The following BMPR1A variants were observed in gnomAD, a reference collection of about 807,000 sequenced individuals.
The protein encoded by BMPR1A is bone morphogenetic protein receptor type 1A.
BMPR1A carries 7 observed loss-of-function variants against 66.0 expected under a neutral mutation model. The ratio of observed to expected loss-of-function variants is 0.11; its 90% CI spans 0.06 to 0.20. The LOEUF is 0.20. Among genes scored for constraint, BMPR1A ranks in the 10% least tolerant of loss-of-function variants. The pLI is 1.00. For synonymous variants in BMPR1A, 200 were observed against 229.7 expected, an observed-to-expected ratio of 0.87 and a Z score of 1.17; for missense variants, 408 against 669.1, an observed-to-expected ratio of 0.61 and a Z score of 4.31.
At chr10:86,897,372 C>G (rs2133440582) in intron 5 of BMPR1A, among the ~76,000 whole-genome samples, 1 of 152,166 alleles carries the variant, frequency 6.6e-6, no homozygotes, top group South Asian at 2.1e-4. Context: ...TTTTGCCTAC[C>G]CAGATACATA....
rs730881432 is a variant in BMPR1A at position 86,912,338 on chromosome 10, T to C, written c.629T>C (p.Ile210Thr). 3 of 1,614,058 alleles carry C rather than the reference T, an allele frequency of 1.9e-6. No homozygotes were observed. Among genetic ancestry groups the C allele is most frequent in the South Asian group, 1.1e-5 (1 of 91,084 alleles). The change falls in exon 8 of 13, where the codon ATT (isoleucine) becomes ACT (threonine). Residue 210 changes from isoleucine to threonine, a missense_variant. By Grantham distance (89) the Ile-to-Thr change is moderately conservative. Coordinates refer to ENST00000372037, the MANE Select transcript of BMPR1A (RefSeq NM_004329.3). ...GTTGGAGAATCACTAAAAGACCTTATTGACCAGTCACAAAGTTCTGGTAGT... is the reference window on the plus strand; with the variant it reads ...GTTGGAGAATCACTAAAAGACCTTACTGACCAGTCACAAAGTTCTGGTAGT... ...IPVGESLKDL[I>T]DQSQSSGSGS...
At chr10:86,844,771 TA>T (rs573394785) in intron 2 of BMPR1A, among the ~76,000 whole-genome samples, 22 of 152,302 alleles carry the variant, frequency 1.4e-4, no homozygotes, top group African/African-American at 4.6e-4. Context: ...GTTGAACTAT[TA>T]TTTTTTATTT....
intron 3 of BMPR1A, 141 bp from the exon 4 acceptor site, chr10:86,889,921 T>C: frequency 1.1e-6 from 1 of 924,310 alleles, no homozygotes; most frequent in South Asian, 1.6e-5. Context: ...GTTGTATGAA[T>C]GAAATTTATA....
At chr10:86,792,062 TC>T (rs1316436393) in intron 1 of BMPR1A, among the ~76,000 whole-genome samples, 5 of 135,816 alleles carry the variant, frequency 3.7e-5, no homozygotes, top group African/African-American at 7.8e-5. Flanking sequence ...TACTGTCAGA[TC>T]TTTTTTTTTT....
intron 1 of BMPR1A, among the ~76,000 whole-genome samples, chr10:86,802,640 A>C (rs559253665): frequency 6.6e-6 from 1 of 152,262 alleles, no homozygotes; most frequent in African/African-American, 2.4e-5. Flanking sequence ...AGAAAAAAAA[A>C]AAACCATCCT....
intron 1 of BMPR1A, among the ~76,000 whole-genome samples, chr10:86,759,707 CCTT>C (rs1841001391): frequency 1.3e-5 from 2 of 152,124 alleles, no homozygotes; most frequent in African/African-American, 4.8e-5. Context: ...GGGCAGCTTT[CCTT>C]CTTTTTCTCT....
intron 2 of BMPR1A, chr10:86,854,906 G>A (rs1341876079): frequency 1.4e-5 from 3 of 213,312 alleles, no homozygotes; most frequent in Admixed American, 1.4e-4. Context: ...CTGAGATTAT[G>A]TCATTAAGTT....
chr10:86,915,141 C>T (rs1843546426), intron 8 of BMPR1A, among the ~76,000 whole-genome samples: 2 of 152,288 alleles, frequency 1.3e-5, no homozygotes, highest in African/African-American at 4.8e-5. Context: ...ATTCTCCTGC[C>T]TCAGCCTCCC....
intron 5 of BMPR1A, among the ~76,000 whole-genome samples, chr10:86,896,546 C>A: frequency 6.6e-6 from 1 of 151,992 alleles, no homozygotes; most frequent in Non-Finnish European, 1.5e-5. Context: ...AATAAGAGTT[C>A]AAGGAGAAAT....
intron 2 of BMPR1A, among the ~76,000 whole-genome samples, chr10:86,853,511 A>G (rs1192003242): frequency 6.6e-6 from 1 of 152,228 alleles, no homozygotes; most frequent in African/African-American, 2.4e-5. Flanking sequence ...TAAAGAAACT[A>G]CTGAAAATTT....
At chr10:86,813,601 C>T (rs1212051453) in intron 1 of BMPR1A, among the ~76,000 whole-genome samples, 1 of 152,168 alleles carries the variant, frequency 6.6e-6, no homozygotes, top group Non-Finnish European at 1.5e-5. Flanking sequence ...AATATATCCA[C>T]CATGGGTTGA....
intron 2 of BMPR1A, among the ~76,000 whole-genome samples, chr10:86,851,380 G>A (rs1842564738): frequency 6.6e-6 from 1 of 152,104 alleles, no homozygotes; most frequent in Non-Finnish European, 1.5e-5. Context: ...AAATGTGCTA[G>A]ACAGTGGCAA....
chr10:86,776,423 T>C (rs1323070936), intron 1 of BMPR1A, among the ~76,000 whole-genome samples: 1 of 152,186 alleles, frequency 6.6e-6, no homozygotes, highest in Non-Finnish European at 1.5e-5. Context: ...AAAATAAAAA[T>C]GTAATCTTTT....
intron 7 of BMPR1A, among the ~76,000 whole-genome samples, chr10:86,904,238 T>A (rs897221149): frequency 1.3e-5 from 2 of 152,200 alleles, no homozygotes; most frequent in Admixed American, 1.3e-4. Flanking sequence ...AATCCAGATA[T>A]CTGAAAGCTC....
chr10:86,871,496 A>T (rs974897655), intron 2 of BMPR1A, among the ~76,000 whole-genome samples: 2 of 152,194 alleles, frequency 1.3e-5, no homozygotes, highest in African/African-American at 4.8e-5. Context: ...GGACTCCAGC[A>T]TTGGAAGGGA....
intron 2 of BMPR1A, among the ~76,000 whole-genome samples, chr10:86,870,305 C>G (rs768665986): frequency 9.2e-5 from 14 of 152,230 alleles, no homozygotes; most frequent in Non-Finnish European, 1.5e-4. Flanking sequence ...TCTCTTCACT[C>G]CTGTCAAAAT....
chr10:86,761,504 T>C (rs1221737708), intron 1 of BMPR1A, among the ~76,000 whole-genome samples: 2 of 152,204 alleles, frequency 1.3e-5, no homozygotes, highest in East Asian at 3.9e-4. Flanking sequence ...GAAAATCATT[T>C]TGAAGAAAGG....
intron 1 of BMPR1A, among the ~76,000 whole-genome samples, chr10:86,832,020 T>C (rs1183889043): frequency 6.6e-6 from 1 of 152,214 alleles, no homozygotes; most frequent in Non-Finnish European, 1.5e-5. Context: ...CATGGTTCAC[T>C]GTGATAAGTG....
rs1347027954 is a variant in BMPR1A at position 86,917,165 on chromosome 10, T to A, written c.707T>A (p.Met236Lys). 1 of 1,614,114 alleles carries A rather than the reference T, an allele frequency of 6.2e-7. No individual in the cohort carries two copies. Among genetic ancestry groups the A allele is most frequent in the East Asian group, 2.2e-5 (1 of 44,878 alleles). ...CGAACTATTGCCAAACAGATTCAGA[T>A]GGTCCGGCAAGTTGGTAAAGGCCGA... ...VQRTIAKQIQ[M>K]VRQVGKGRYG... Residue 236 changes from methionine to lysine, a missense_variant, in exon 9 of 13, where the codon ATG (methionine) becomes AAG (lysine). By Grantham distance (95) the Met-to-Lys change is moderately conservative. Transcript: ENST00000372037.
Sources: allele counts gnomAD v4.1 joint callset (sites outside exome capture counted in the v4.1 genomes callset), GRCh38; gene constraint gnomAD v4.1.1; transcripts MANE v1.5; gene names NCBI Gene and HGNC (gene_info 2026-07-23, HGNC 2026-07-21).